NLGN4Y: variants seen among roughly 807,000 people sequenced by gnomAD.
NLGN4Y encodes the protein neuroligin-4, Y-linked.
A neutral mutation model predicts 8.4 loss-of-function variants in NLGN4Y; 4 were observed. That is an observed-to-expected ratio of 0.48 (90% CI 0.23 to 1.09). The LOEUF (loss-of-function observed/expected upper bound fraction) is 1.09, where lower values mean the gene tolerates loss of function less well. NLGN4Y is among the 50% of genes least tolerant of loss of function. The pLI is 0.19. For synonymous variants in NLGN4Y, 35 were observed against 75.6 expected (o/e 0.46, Z 2.78); for missense variants, 90 against 192.3 (o/e 0.47, Z 3.15).
At chrY:14,823,255 A>G in intron 4 of NLGN4Y, among the ~76,000 whole-genome samples, 1 of 33,350 alleles carries the variant, frequency 3.0e-5, no homozygotes, top group Non-Finnish European at 7.4e-5. Context: ...GTTTGGATTT[A>G]TGTTATTTTA....
intron 5 of NLGN4Y, among the ~76,000 whole-genome samples, chrY:14,827,772 ACT>A (rs2043154386): frequency 3.0e-5 from 1 of 33,072 alleles, no homozygotes; most frequent in Non-Finnish European, 7.4e-5. Flanking sequence ...GCAGAGAGAC[ACT>A]CTGTCTGAAA....
intron 2 of NLGN4Y, among the ~76,000 whole-genome samples, chrY:14,638,021 T>C (rs2080573712): frequency 3.1e-5 from 1 of 32,661 alleles, no homozygotes; most frequent in Non-Finnish European, 7.5e-5. Context: ...TTTCTTTTTC[T>C]TTCTAACACT....
At chrY:14,632,239 A>G (rs777915748) in intron 2 of NLGN4Y, among the ~76,000 whole-genome samples, 1 of 33,553 alleles carries the variant, frequency 3.0e-5, no homozygotes, top group Admixed American at 2.7e-4. Context: ...TAAGACCAAC[A>G]GCCCATTATT....
At chrY:14,580,600 C>T in intron 1 of NLGN4Y, among the ~76,000 whole-genome samples, 1 of 32,322 alleles carries the variant, frequency 3.1e-5, no homozygotes, top group Non-Finnish European at 7.5e-5. Context: ...AATGCCTGTG[C>T]TATGGTCCTC....
intron 2 of NLGN4Y, chrY:14,639,206 A>G: frequency 1.9e-5 from 3 of 155,692 alleles, no homozygotes; most frequent in Non-Finnish European, 3.8e-5. Flanking sequence ...GTGATAACCT[A>G]CTAAGGAGAG....
At chrY:14,740,756 C>T in intron 4 of NLGN4Y, among the ~76,000 whole-genome samples, 1 of 33,768 alleles carries the variant, frequency 3.0e-5, no homozygotes, top group African/African-American at 1.2e-4. Context: ...TACATTCAAA[C>T]TTAGTTTTTT....
chrY:14,725,687 C>T, intron 4 of NLGN4Y, among the ~76,000 whole-genome samples: 1 of 33,737 alleles, frequency 3.0e-5, no homozygotes, highest in South Asian at 6.6e-4. Context: ...TTTAACGTGA[C>T]TCGTGGACTT....
intron 2 of NLGN4Y, among the ~76,000 whole-genome samples, chrY:14,657,475 G>T (rs765658409): frequency 3.0e-5 from 1 of 32,933 alleles, no homozygotes; most frequent in African/African-American, 1.2e-4. Flanking sequence ...TTATTCTGGG[G>T]CTATGGATTG....
intron 2 of NLGN4Y, among the ~76,000 whole-genome samples, chrY:14,653,632 C>T (rs892322046): frequency 1.8e-4 from 6 of 33,238 alleles, no homozygotes; most frequent in Non-Finnish European, 3.0e-4. Flanking sequence ...TCACTACAAC[C>T]TCTACCTTCC....
chrY:14,637,264 C>T, intron 2 of NLGN4Y, among the ~76,000 whole-genome samples: 1 of 33,342 alleles, frequency 3.0e-5, no homozygotes, highest in African/African-American at 1.2e-4. Context: ...GTGATGTTTA[C>T]CTGAGCACTC....
intron 1 of NLGN4Y, among the ~76,000 whole-genome samples, chrY:14,598,159 A>G (rs2080411123): frequency 8.6e-5 from 3 of 35,053 alleles, no homozygotes; most frequent in South Asian, 6.2e-4. Context: ...CACTGGGGCT[A>G]CACGTGGAGC....
intron 4 of NLGN4Y, among the ~76,000 whole-genome samples, chrY:14,786,603 G>A: frequency 3.0e-5 from 1 of 32,842 alleles, no homozygotes; most frequent in African/African-American, 1.2e-4. Flanking sequence ...AAGACATTCA[G>A]TATTTGCTCC....
At chrY:14,588,903 G>GTAA (rs2080351228) in intron 1 of NLGN4Y, among the ~76,000 whole-genome samples, 3 of 32,237 alleles carry the variant, frequency 9.3e-5, no homozygotes, top group East Asian at 8.1e-4. Flanking sequence ...TCTTAAGATA[G>GTAA]TGCATCTGGA....
chrY:14,535,276 G>A (rs2080127967), intron 1 of NLGN4Y, among the ~76,000 whole-genome samples: 1 of 33,596 alleles, frequency 3.0e-5, no homozygotes, highest in East Asian at 8.0e-4. Context: ...TAATGCATCA[G>A]AACCAGTGAG....
intron 4 of NLGN4Y, among the ~76,000 whole-genome samples, chrY:14,737,679 G>C: frequency 3.0e-5 from 1 of 32,812 alleles, no homozygotes; most frequent in African/African-American, 1.2e-4. Context: ...ATTGTTTACA[G>C]GGGTGAACAT....
At chrY:14,704,302 T>C in intron 2 of NLGN4Y, among the ~76,000 whole-genome samples, 1 of 33,293 alleles carries the variant, frequency 3.0e-5, no homozygotes, top group Non-Finnish European at 7.4e-5. Flanking sequence ...AGGTTTGTCA[T>C]AGATAGCTCT....
At chrY:14,528,644 G>A (rs868265620) in intron 1 of NLGN4Y, among the ~76,000 whole-genome samples, 1 of 32,921 alleles carries the variant, frequency 3.0e-5, no homozygotes, top group Non-Finnish European at 7.5e-5. Context: ...TTGTGGAGCC[G>A]CAATTCAAGA....
chrY:14,718,280 T>C, intron 2 of NLGN4Y, among the ~76,000 whole-genome samples: 1 of 34,094 alleles, frequency 2.9e-5, no homozygotes. Context: ...ATGTTTAACC[T>C]CTTTTGAGTT....
At chrY:14,569,509 C>A in intron 1 of NLGN4Y, among the ~76,000 whole-genome samples, 1 of 33,521 alleles carries the variant, frequency 3.0e-5, no homozygotes, top group Non-Finnish European at 7.4e-5. Context: ...TTTCTTTATT[C>A]CACCACTGAT....
Sources: allele counts gnomAD v4.1 joint callset (sites outside exome capture counted in the v4.1 genomes callset), GRCh38; gene constraint gnomAD v4.1.1; transcripts MANE v1.5; gene names NCBI Gene and HGNC (gene_info 2026-07-23, HGNC 2026-07-21).